The following ZBED6 variants were observed in gnomAD, a reference collection of about 807,000 sequenced individuals.
ZBED6 encodes zinc finger BED domain-containing protein 6.
Under a neutral mutation model 58.4 loss-of-function variants are expected in ZBED6, and 40 were observed. That is an observed-to-expected ratio of 0.68 (90% CI 0.53 to 0.89). The LOEUF (loss-of-function observed/expected upper bound fraction) is 0.89. ZBED6 is among the 40% of genes least tolerant of loss of function. The pLI, the probability that ZBED6 is intolerant of heterozygous loss-of-function variation, is 0.00. For synonymous variants in ZBED6, 439 were observed against 350.6 expected, an observed-to-expected ratio of 1.25 and a Z score of -2.82; for missense variants, 1,057 against 1,003.9, an observed-to-expected ratio of 1.05 and a Z score of -0.71.
chr1:203,830,322 A>G, intron 7 of ZBED6, 119 bp downstream of exon 7: 1 of 763,318 alleles, frequency 1.3e-6, no homozygotes, highest in South Asian at 1.9e-5. Flanking sequence ...GCCTGTTTGA[A>G]GTAAAACACA....
intron 11 of ZBED6, 62 bp from the exon 12 acceptor site, chr1:203,847,122 A>C (rs1158814824): frequency 6.4e-7 from 1 of 1,568,136 alleles, no homozygotes; most frequent in Non-Finnish European, 8.7e-7. Flanking sequence ...GAATAGAGAG[A>C]TCATAAGTCA....
At position 203,828,563 on chromosome 1, in the gene ZBED6, A is replaced by T. The variant is rs905518543; in HGVS notation, c.*2997+141A>T. On this transcript the variant is annotated intron_variant, in intron 4 of 16. Transcript: ENST00000550078. ...TCCACTTTACAGATAAGTGAACTGA[A>T]TCTTATTAAGGTTAAATGATTTATC... 7.3e-6 allele frequency: 8 copies of T among 1,097,470 alleles called. No homozygotes were observed. In the African/African-American group the frequency reaches 1.3e-4, roughly 17 times the overall value. The allele number at this position is 1,097,470 out of a possible 1,614,324, so 68.0% of individuals were successfully genotyped here.
intron 12 of ZBED6, 40 bp from the exon 13 acceptor site, chr1:203,848,291 T>A (rs957301953): frequency 1.2e-5 from 19 of 1,542,388 alleles, no homozygotes; most frequent in East Asian, 6.8e-5. Flanking sequence ...AAGTTGCAGC[T>A]TAAATAAAAT....
At chr1:203,840,885 C>G (rs1163997220) in intron 11 of ZBED6, among the ~76,000 whole-genome samples, 3 of 152,122 alleles carry the variant, frequency 2.0e-5, no homozygotes, top group Admixed American at 6.6e-5. Flanking sequence ...CCACCTGCCT[C>G]AGCCTCCCAA....
At chr1:203,831,881 T>A in intron 8 of ZBED6, 110 bp downstream of exon 8, 1 of 815,088 alleles carries the variant, frequency 1.2e-6, no homozygotes, top group Non-Finnish European at 1.9e-6. Context: ...AATTTGTTAG[T>A]ATGCTGATGA....
exon 1 of ZBED6, chr1:203,798,122 C>G (rs776213740): frequency 3.9e-6 from 6 of 1,536,120 alleles, no homozygotes; most frequent in Non-Finnish European, 8.7e-7. Context: ...AGGACTTTAC[C>G]TTGGATGTGT....
exon 17 of ZBED6, chr1:203,852,997 G>A (rs1216874957): frequency 1.3e-5 from 2 of 153,144 alleles, no homozygotes; most frequent in African/African-American, 4.8e-5. Flanking sequence ...TGATGCTTCT[G>A]CTGCTCTGTT....
chr1:203,832,454 A>G (rs1682711454), intron 8 of ZBED6, among the ~76,000 whole-genome samples: 1 of 151,632 alleles, frequency 6.6e-6, no homozygotes, highest in South Asian at 2.1e-4. Context: ...TCCGCCTCCC[A>G]GGTTCAAGTG....
exon 17 of ZBED6, chr1:203,852,433 G>A (rs746243663): frequency 6.6e-5 from 105 of 1,602,270 alleles, no homozygotes; most frequent in Non-Finnish European, 8.5e-5. Flanking sequence ...AAAAAAAATC[G>A]CCAAAAAACT....
chr1:203,829,301 C>A, intron 4 of ZBED6, 150 bp from the exon 5 acceptor site: 1 of 744,626 alleles, frequency 1.3e-6, no homozygotes, highest in Non-Finnish European at 2.2e-6. Context: ...ACATCTTTTC[C>A]CTCCCTGGGA....
chr1:203,797,486 AAC>A lies in ZBED6; in HGVS notation c.-35_-34del. On this transcript the variant is annotated 5_prime_UTR_variant, in exon 1 of 17. An upstream open reading frame in the 5' UTR gains an earlier in-frame stop. Coordinates refer to ENST00000550078, the Ensembl canonical transcript of ZBED6. ...TTTCTGCTTGAGTAATAAACCCACT[AAC>A]AGATTCTGGTACGAATTGTGGAGAC... 1 of 1,456,920 alleles carries A rather than the reference AAC, an allele frequency of 6.9e-7. No homozygotes were observed. Among genetic ancestry groups the A allele is most frequent in the Non-Finnish European group, 9.0e-7 (1 of 1,113,472 alleles). 90.2% of individuals were successfully genotyped at this position (1,456,920 alleles called of 1,614,324 possible).
chr1:203,838,616 G>C (rs138378031), intron 10 of ZBED6, among the ~76,000 whole-genome samples: 3 of 152,138 alleles, frequency 2.0e-5, no homozygotes, highest in Non-Finnish European at 4.4e-5. Flanking sequence ...AGCCATGTTA[G>C]AAAGTTTGGA....
Position 203,796,386 on chromosome 1 carries a change from A to C in ZBED6, c.-1137A>C, listed in dbSNP as rs140533676. 9.8e-5 allele frequency: 39 copies of C among 397,290 alleles called. No individual in the cohort carries two copies. The East Asian group carries it at 1.3e-3, about 13-fold the overall frequency. The allele number at this position is 397,290 out of a possible 1,614,324, so 24.6% of individuals were successfully genotyped here. A position where few individuals can be genotyped will look rare whatever the true frequency, so the allele number is the denominator to read the frequency against. On this transcript the variant is annotated 5_prime_UTR_variant, in exon 1 of 17. Transcript: ENST00000550078. ...TACACCCATTCCCCACTCTCATTAC[A>C]CTCCCACCCCTGGCCCTCAGCGTCG...
chr1:203,798,253 G>T, exon 1 of ZBED6: 1 of 1,536,136 alleles, frequency 6.5e-7, no homozygotes, highest in Non-Finnish European at 8.7e-7. Context: ...AGGGCAGAAA[G>T]AGGGAGATTT....
At chr1:203,828,487 G>C in intron 4 of ZBED6, 65 bp downstream of exon 4, 1 of 1,531,604 alleles carries the variant, frequency 6.5e-7, no homozygotes, top group South Asian at 1.2e-5. Flanking sequence ...CTGTACAACA[G>C]TACTTTTCAG....
At chr1:203,812,078 A>G (rs1674668200) in intron 1 of ZBED6, among the ~76,000 whole-genome samples, 1 of 152,118 alleles carries the variant, frequency 6.6e-6, no homozygotes. Flanking sequence ...CGGCCTCCCA[A>G]AGTGCTGGGA....
At position 203,797,712 on chromosome 1, in the gene ZBED6, A is replaced by G. The variant is rs914511329; in HGVS notation, c.190A>G (p.Arg64Gly). ...GGCAAAACAGCCTGCTAAAAAGAAA[A>G]GAAAGAAGGGTTTGCGAATTAAGGG... Residue 64 changes from arginine (R) to glycine (G), a missense_variant, in exon 1 of 17, where the codon AGA becomes GGA. Arg to Gly is a moderately radical substitution (Grantham distance 125, BLOSUM62 -2). Coordinates refer to ENST00000550078, the Ensembl canonical transcript of ZBED6. 7 of 1,534,718 alleles carry G rather than the reference A, an allele frequency of 4.6e-6. No individual in the cohort carries two copies. In the African/African-American group the frequency reaches 9.6e-5, roughly 21 times the overall value.
At chr1:203,835,851 T>A (rs568313128) in intron 9 of ZBED6, 1 of 241,042 alleles carries the variant, frequency 4.1e-6, no homozygotes, top group African/African-American at 2.3e-5. Context: ...GTGCTCCCTT[T>A]TTTTCCGGAG....
intron 1 of ZBED6, among the ~76,000 whole-genome samples, chr1:203,811,433 G>A (rs964862439): frequency 2.6e-5 from 4 of 152,110 alleles, no homozygotes; most frequent in South Asian, 2.1e-4. Context: ...TTCTAAAACC[G>A]GTAACAGTTT....
Sources: gnomAD v4.1 joint callset for allele counts (sites outside exome capture counted in the v4.1 genomes callset) on GRCh38, gnomAD v4.1.1 for gene constraint, MANE v1.5 for transcripts, NCBI Gene and HGNC (gene_info 2026-07-23, HGNC 2026-07-21) for gene names.